Variants in LZTS1 observed in about 807,000 individuals in gnomAD.
The protein encoded by LZTS1 is leucine zipper tumor suppressor 1, also known as leucine zipper putative tumor suppressor 1.
LZTS1 carries 31 observed loss-of-function variants against 45.8 expected under a neutral mutation model. The observed-to-expected ratio is 0.68, with a 90% confidence interval of 0.51 to 0.91. LZTS1 has a LOEUF of 0.91. LZTS1 is among the 40% of genes least tolerant of loss of function. The pLI is 0.00. For synonymous variants in LZTS1, 359 were observed against 357.3 expected (o/e 1.00, Z -0.05); for missense variants, 821 against 788.9 (o/e 1.04, Z -0.49).
At chr8:20,295,978 ATACTCAATTCTCCCTCT>A (rs1423532988) in intron 1 of LZTS1, among the ~76,000 whole-genome samples, 1 of 152,090 alleles carries the variant, frequency 6.6e-6, no homozygotes, top group African/African-American at 2.4e-5. Context: ...TTGCATGTCT[ATACTCAATTCTCCCTCT>A]TTACAGCAGG....
chr8:20,298,445 T>C (rs1801015203), intron 1 of LZTS1, among the ~76,000 whole-genome samples: 1 of 152,216 alleles, frequency 6.6e-6, no homozygotes, highest in South Asian at 2.1e-4. Context: ...TTGTGAGGTG[T>C]AAATAATAAT....
intron 1 of LZTS1, among the ~76,000 whole-genome samples, chr8:20,276,169 TATG>T (rs761155391): frequency 2.0e-5 from 3 of 152,162 alleles, no homozygotes; most frequent in Non-Finnish European, 4.4e-5. Flanking sequence ...AATGGATGAC[TATG>T]ATATTATAAA....
At chr8:20,269,184 A>G (rs1800425601) in intron 1 of LZTS1, among the ~76,000 whole-genome samples, 1 of 152,232 alleles carries the variant, frequency 6.6e-6, no homozygotes, top group Non-Finnish European at 1.5e-5. Context: ...AGAGAGCAGA[A>G]GGCAGGCTCA....
rs768481706 is a variant in LZTS1 at position 20,253,046 on chromosome 8, G to A, written c.885C>T (p.Tyr295=). The part of the protein sequence containing the change: ...EEKELASSLA[Y]EERPRRCRDE... ...CCCTGCAGCGCCGCGGCCGCTCCTC[G>A]TAGGCCAGGCTGGAGGCAAGCTCCT... Residue 295 remains tyrosine (Y), a synonymous_variant, in exon 3 of 4, where the codon TAC becomes TAT. Transcript: ENST00000381569. 23 of 1,605,356 alleles carry A rather than the reference G, an allele frequency of 1.4e-5. No individual in the cohort carries two copies. Among genetic ancestry groups the A allele is most frequent in the Admixed American group, 6.7e-5 (4 of 59,902 alleles).
intron 1 of LZTS1, among the ~76,000 whole-genome samples, chr8:20,281,053 A>T (rs1363471097): frequency 6.6e-6 from 1 of 152,224 alleles, no homozygotes; most frequent in African/African-American, 2.4e-5. Context: ...CTACTCAGCA[A>T]AGACGGTGTC....
At chr8:20,284,908 C>CCCT (rs1800760938) in intron 1 of LZTS1, among the ~76,000 whole-genome samples, 1 of 152,154 alleles carries the variant, frequency 6.6e-6, no homozygotes, top group Admixed American at 6.5e-5. Context: ...CTTAGAAAAC[C>CCCT]CCTCCACTAA....
chr8:20,285,654 A>G (rs984708843), intron 1 of LZTS1, among the ~76,000 whole-genome samples: 7 of 152,216 alleles, frequency 4.6e-5, no homozygotes, highest in Admixed American at 2.0e-4. Flanking sequence ...TTTTATGCAC[A>G]TTGACCTAGT....
chr8:20,289,646 A>T (rs1800863350), intron 1 of LZTS1, among the ~76,000 whole-genome samples: 1 of 151,708 alleles, frequency 6.6e-6, no homozygotes, highest in Admixed American at 6.6e-5. Context: ...CTGTCCTGGG[A>T]CCTCCCTAAG....
intron 1 of LZTS1, among the ~76,000 whole-genome samples, chr8:20,302,808 C>T (rs1247978233): frequency 6.6e-6 from 1 of 152,192 alleles, no homozygotes. Context: ...TTGAAGACTG[C>T]GAAGCTAACA....
intron 1 of LZTS1, among the ~76,000 whole-genome samples, chr8:20,268,282 G>A (rs1800402992): frequency 6.6e-6 from 1 of 151,464 alleles, no homozygotes; most frequent in Admixed American, 6.6e-5. Context: ...GGGGCTGGGG[G>A]GCCCAGGCTG....
chr8:20,285,909 C>T (rs1488973840), intron 1 of LZTS1, among the ~76,000 whole-genome samples: 1 of 152,192 alleles, frequency 6.6e-6, no homozygotes, highest in African/African-American at 2.4e-5. Flanking sequence ...GGAGACATGG[C>T]AGGCAAGTGA....
At chr8:20,260,435 C>G (rs1800203073) in intron 1 of LZTS1, among the ~76,000 whole-genome samples, 3 of 152,166 alleles carry the variant, frequency 2.0e-5, no homozygotes, top group African/African-American at 7.2e-5. Flanking sequence ...GTGGCCCTGG[C>G]CACTCAGTGA....
At chr8:20,272,260 G>A (rs554214607) in intron 1 of LZTS1, among the ~76,000 whole-genome samples, 2 of 152,220 alleles carry the variant, frequency 1.3e-5, no homozygotes, top group Admixed American at 1.3e-4. Context: ...ACTGATCCAC[G>A]ATGTGCAGCT....
intron 1 of LZTS1, among the ~76,000 whole-genome samples, chr8:20,271,775 G>C (rs1025286728): frequency 6.6e-6 from 1 of 152,236 alleles, no homozygotes; most frequent in Non-Finnish European, 1.5e-5. Flanking sequence ...CCTATGCTCT[G>C]TTAAGAATTC....
intron 1 of LZTS1, among the ~76,000 whole-genome samples, chr8:20,293,386 T>G (rs1003134398): frequency 6.6e-6 from 1 of 152,182 alleles, no homozygotes; most frequent in Admixed American, 6.5e-5. Context: ...TTCCCTATCA[T>G]GGCCACCCCT....
chr8:20,283,545 G>C (rs1051336765), intron 1 of LZTS1, among the ~76,000 whole-genome samples: 3 of 152,078 alleles, frequency 2.0e-5, no homozygotes, highest in Non-Finnish European at 4.4e-5. Context: ...GTCTGTTCTG[G>C]AAACCCGGAG....
chr8:20,267,198 G>A (rs1469272255), intron 1 of LZTS1, among the ~76,000 whole-genome samples: 1 of 148,092 alleles, frequency 6.8e-6, no homozygotes, highest in East Asian at 2.1e-4. Flanking sequence ...GATGCTGTCT[G>A]GGCTGTCGGG....
chr8:20,288,127 A>C (rs1238721403), intron 1 of LZTS1, among the ~76,000 whole-genome samples: 2 of 151,890 alleles, frequency 1.3e-5, no homozygotes, highest in African/African-American at 4.8e-5. Context: ...CTCCTTCTCA[A>C]AGAGGAGTGA....
At chr8:20,302,424 C>G (rs1801096544) in intron 1 of LZTS1, among the ~76,000 whole-genome samples, 3 of 152,188 alleles carry the variant, frequency 2.0e-5, no homozygotes, top group Admixed American at 2.0e-4. Context: ...CTCCATTCTC[C>G]CTCTGGATGC....
Sources: allele counts gnomAD v4.1 joint callset (sites outside exome capture counted in the v4.1 genomes callset), GRCh38; gene constraint gnomAD v4.1.1; transcripts MANE v1.5; gene names NCBI Gene and HGNC (gene_info 2026-07-23, HGNC 2026-07-21).